The following SDCCAG8 variants were observed in gnomAD, a reference collection of about 807,000 sequenced individuals.
The protein encoded by SDCCAG8 is serologically defined colon cancer antigen 8.
In SDCCAG8, 74 loss-of-function variants were observed where a neutral mutation model predicts 101.8. The observed-to-expected ratio is 0.73, with a 90% CI of 0.60 to 0.88. The LOEUF (loss-of-function observed/expected upper bound fraction) is 0.88. Ranked by LOEUF, SDCCAG8 falls within the 40% of genes least tolerant of loss-of-function variation. SDCCAG8 has a pLI of 0.00. For synonymous variants in SDCCAG8, 281 were observed against 292.9 expected, an observed-to-expected ratio of 0.96 and a Z score of 0.41; for missense variants, 787 against 822.6, an observed-to-expected ratio of 0.96 and a Z score of 0.53.
rs367724703 is a variant in SDCCAG8, at chr1:243,389,157, C to A, written c.1616+10294C>A. ...GCGAGACTCTGTCCCCCCTCCCCCCCCCAAAAAAAAAATAATAAATAAAAA... is the reference window on the plus strand; with the variant it reads ...GCGAGACTCTGTCCCCCCTCCCCCCACCAAAAAAAAAATAATAAATAAAAA... On this transcript the variant is annotated intron_variant, in intron 13 of 17. Transcript: ENST00000366541. Among the ~76,000 whole-genome samples, 109 of 150,094 alleles carry A rather than the reference C, an allele frequency of 7.3e-4. 2 individuals carry two copies. The East Asian group carries it at 0.018, about 24-fold the overall frequency.
At chr1:243,487,580 C>T (rs764606222) in intron 16 of SDCCAG8, among the ~76,000 whole-genome samples, 7 of 152,164 alleles carry the variant, frequency 4.6e-5, no homozygotes, top group Non-Finnish European at 8.8e-5. Flanking sequence ...CAGGGCAGGG[C>T]CTGGCTGTTG....
chr1:243,330,495 T>C, intron 9 of SDCCAG8, 45 bp from the exon 10 acceptor site: 1 of 1,606,648 alleles, frequency 6.2e-7, no homozygotes, highest in Non-Finnish European at 8.5e-7. Flanking sequence ...ACCTATATTT[T>C]TTCCAAATTC....
intron 16 of SDCCAG8, among the ~76,000 whole-genome samples, chr1:243,486,593 C>A (rs573730253): frequency 1.3e-5 from 2 of 152,364 alleles, no homozygotes; most frequent in Non-Finnish European, 2.9e-5. Context: ...CCGGCCCCAT[C>A]GCTGAAGGTG....
chr1:243,486,671 TG>T (rs1221269703), intron 16 of SDCCAG8, among the ~76,000 whole-genome samples: 5 of 152,244 alleles, frequency 3.3e-5, no homozygotes. Flanking sequence ...CCCATTGCCC[TG>T]GATGGGCTGC....
At chr1:243,325,190 G>T (rs917765006) in intron 9 of SDCCAG8, among the ~76,000 whole-genome samples, 1 of 152,038 alleles carries the variant, frequency 6.6e-6, no homozygotes, top group Non-Finnish European at 1.5e-5. Context: ...TTTGTTCAGT[G>T]GAAGTCAATT....
At chr1:243,390,307 G>C (rs942931508) in intron 13 of SDCCAG8, among the ~76,000 whole-genome samples, 2 of 152,124 alleles carry the variant, frequency 1.3e-5, no homozygotes, top group Non-Finnish European at 2.9e-5. Context: ...CATCTTCAAG[G>C]CTTGAAATAG....
At chr1:243,367,003 A>G (rs2077025406) in intron 12 of SDCCAG8, among the ~76,000 whole-genome samples, 1 of 152,122 alleles carries the variant, frequency 6.6e-6, no homozygotes, top group Non-Finnish European at 1.5e-5. Context: ...GAATAAATTA[A>G]CAGTTTGCTT....
chr1:243,436,168 T>C (rs1379958677), intron 16 of SDCCAG8, among the ~76,000 whole-genome samples: 1 of 73,836 alleles, frequency 1.4e-5, no homozygotes, highest in Non-Finnish European at 2.6e-5. Flanking sequence ...GTTTATCAAC[T>C]TTTTTTTTTT....
At chr1:243,260,750 T>A in intron 1 of SDCCAG8, among the ~76,000 whole-genome samples, 1 of 152,214 alleles carries the variant, frequency 6.6e-6, no homozygotes, top group East Asian at 1.9e-4. Context: ...AACAAACTTC[T>A]TGTATGACAG....
Position 243,465,531 on chromosome 1 carries a change from C to T in SDCCAG8, c.1986-23483C>T, listed in dbSNP as rs551017821. 7.4e-4 allele frequency among the ~76,000 whole-genome samples: 113 copies of T among 152,308 alleles called. 3 individuals are homozygous for T. In the South Asian group the frequency reaches 0.022, roughly 30 times the overall value. ...GAAACTTAGTACTCATTCAGTTATCCCATGCAAAGGATTTATTCACCTCAT... is the reference window on the plus strand; with the variant it reads ...GAAACTTAGTACTCATTCAGTTATCTCATGCAAAGGATTTATTCACCTCAT... On this transcript the variant is annotated intron_variant, in intron 16 of 17. Coordinates refer to ENST00000366541, the MANE Select transcript of SDCCAG8 (RefSeq NM_006642.5).
intron 12 of SDCCAG8, among the ~76,000 whole-genome samples, chr1:243,348,081 G>A (rs1468320088): frequency 7.0e-6 from 1 of 142,614 alleles, no homozygotes. Flanking sequence ...TGTCGCCCAG[G>A]CTGGAGTGCA....
At chr1:243,399,527 G>A (rs2079236936) in intron 13 of SDCCAG8, among the ~76,000 whole-genome samples, 1 of 151,360 alleles carries the variant, frequency 6.6e-6, no homozygotes, top group African/African-American at 2.4e-5. Context: ...TTTATTTATT[G>A]CTGGAGTCTC....
chr1:243,345,133 G>A (rs1459299137), intron 12 of SDCCAG8, among the ~76,000 whole-genome samples: 2 of 151,974 alleles, frequency 1.3e-5, no homozygotes, highest in Non-Finnish European at 2.9e-5. Context: ...GAAGTAGGTC[G>A]CTCCAAATAA....
intron 1 of SDCCAG8, among the ~76,000 whole-genome samples, chr1:243,269,548 T>C (rs1237307297): frequency 6.6e-6 from 1 of 151,928 alleles, no homozygotes; most frequent in African/African-American, 2.4e-5. Flanking sequence ...CCGCCGGGGC[T>C]GCCACTATAA....
Position 243,418,086 on chromosome 1 carries a change from G to A in SDCCAG8, c.1853+10G>A. On this transcript the variant is annotated intron_variant, in intron 15 of 17. Transcript: ENST00000366541. ...TCTCTCAAAAAACCAGGTAGGTGAT[G>A]TTATAGAATACTTTCAAGAGCACTG... The A allele has an allele frequency of 6.4e-7, 1 of 1,562,018 alleles. No homozygotes were observed. The highest frequency in any genetic ancestry group is 8.8e-7 in the Non-Finnish European group (1 of 1,133,208).
At chr1:243,386,145 G>C (rs1414892812) in intron 13 of SDCCAG8, among the ~76,000 whole-genome samples, 4 of 152,170 alleles carry the variant, frequency 2.6e-5, no homozygotes, top group Non-Finnish European at 5.9e-5. Context: ...CCTACCAATA[G>C]CTCTATAAGG....
chr1:243,362,578 A>G (rs913235460), intron 12 of SDCCAG8, among the ~76,000 whole-genome samples: 6 of 152,260 alleles, frequency 3.9e-5, no homozygotes, highest in South Asian at 2.1e-4. Context: ...TGTTAACCTC[A>G]TAGTACAATG....
At chr1:243,446,510 C>T (rs2082917752) in intron 16 of SDCCAG8, among the ~76,000 whole-genome samples, 1 of 152,178 alleles carries the variant, frequency 6.6e-6, no homozygotes, top group African/African-American at 2.4e-5. Context: ...AAGCCATCTG[C>T]CCACCTTGGC....
At chr1:243,476,702 A>T (rs1662478394) in intron 16 of SDCCAG8, among the ~76,000 whole-genome samples, 1 of 152,252 alleles carries the variant, frequency 6.6e-6, no homozygotes, top group East Asian at 1.9e-4. Flanking sequence ...AATAGCATTC[A>T]ACAAAATAAA....
Sources: gnomAD v4.1 joint callset for allele counts (sites outside exome capture counted in the v4.1 genomes callset) on GRCh38, gnomAD v4.1.1 for gene constraint, MANE v1.5 for transcripts, NCBI Gene and HGNC (gene_info 2026-07-23, HGNC 2026-07-21) for gene names.